The following SLC9A2 variants were observed in gnomAD, a reference collection of about 807,000 sequenced individuals.
SLC9A2 encodes sodium/hydrogen exchanger 2.
A neutral mutation model predicts 71.7 loss-of-function variants in SLC9A2; 42 were observed. The observed-to-expected ratio is 0.59, with a 90% CI of 0.46 to 0.76. SLC9A2 has a LOEUF of 0.76. SLC9A2 is among the 30% of genes least tolerant of loss of function. The probability of loss-of-function intolerance (pLI) is 0.00; values close to 1 mark genes in which losing one functional copy is unlikely to be tolerated. For missense variants in SLC9A2, 829 were observed against 1,017.4 expected (o/e 0.81, Z 2.52); for synonymous variants, 396 against 392.5 (o/e 1.01, Z -0.10).
intron 1 of SLC9A2, among the ~76,000 whole-genome samples, chr2:102,653,478 G>T (rs1676874356): frequency 6.6e-6 from 1 of 152,098 alleles, no homozygotes; most frequent in Non-Finnish European, 1.5e-5. Flanking sequence ...CATTTATTTT[G>T]CCATGTTTTA....
chr2:102,678,643 TGTGATAATGCTGTGAC>T (rs1677389711), intron 3 of SLC9A2, among the ~76,000 whole-genome samples: 1 of 152,190 alleles, frequency 6.6e-6, no homozygotes, highest in Non-Finnish European at 1.5e-5. Flanking sequence ...GTGGTGGCAC[TGTGATAATGCTGTGAC>T]GTGACATTGT....
intron 1 of SLC9A2, among the ~76,000 whole-genome samples, chr2:102,653,163 A>G (rs1486068774): frequency 1.3e-5 from 2 of 152,228 alleles, no homozygotes; most frequent in Non-Finnish European, 2.9e-5. Context: ...GCACTGAACT[A>G]AGATCTTGTG....
chr2:102,634,807 A>G (rs1558702425), intron 1 of SLC9A2, among the ~76,000 whole-genome samples: 1 of 152,144 alleles, frequency 6.6e-6, no homozygotes, highest in Non-Finnish European at 1.5e-5. Context: ...AAAATGAAAG[A>G]TGAGCAGCCA....
chr2:102,682,531 T>C (rs1677473463), intron 3 of SLC9A2, among the ~76,000 whole-genome samples: 1 of 152,154 alleles, frequency 6.6e-6, no homozygotes, highest in Non-Finnish European at 1.5e-5. Flanking sequence ...TTCCAGTAGA[T>C]ATCATGAGAG....
At chr2:102,661,996 G>T (rs368171849) in intron 2 of SLC9A2, among the ~76,000 whole-genome samples, 1 of 152,190 alleles carries the variant, frequency 6.6e-6, no homozygotes, top group Non-Finnish European at 1.5e-5. Context: ...ATTTTATCTC[G>T]TGCTGATCAC....
Position 102,705,888 on chromosome 2 carries a change from A to T in SLC9A2, c.2020A>T (p.Thr674Ser). ...TSRYLSLPKN[T>S]KLPEKLQKRR... is the part of the protein sequence containing the mutation. Reference sequence around the variant, plus strand: ...CCGATATTTATCCTTACCTAAAAATACGAAGCTTCCAGAAAAGCTACAAAA... The same window carrying T: ...CCGATATTTATCCTTACCTAAAAATTCGAAGCTTCCAGAAAAGCTACAAAA... Residue 674 changes from threonine (T) to serine (S), a missense_variant, in exon 11 of 12, where the codon ACG becomes TCG. Physicochemically the swap from Thr to Ser is moderately conservative, Grantham distance 58. This residue lies in a region of SLC9A2 where 223 missense variants were observed against 197.5 expected (regional missense o/e 1.13). Transcript: ENST00000233969. 1 of 1,606,620 alleles carries T rather than the reference A, an allele frequency of 6.2e-7. No individual in the cohort carries two copies.
In SLC9A2 at chr2:102,619,786, C is replaced by T. The variant is rs1676097904; in HGVS notation, c.-63C>T. 19 of 1,400,146 alleles carry T rather than the reference C, an allele frequency of 1.4e-5. No individual in the cohort carries two copies. The South Asian group carries it at 2.3e-4, about 17-fold the overall frequency. The allele number at this position is 1,400,146 out of a possible 1,614,324, so 86.7% of individuals were successfully genotyped here. A position where few individuals can be genotyped will look rare whatever the true frequency, so the allele number is the denominator to read the frequency against. Reference sequence around the variant, plus strand: ...GGCGGAGCGGGCTGAGCAGCCCGGGCGCGATGCGTTGAGCGCTCGGAGGGC... The same window carrying T: ...GGCGGAGCGGGCTGAGCAGCCCGGGTGCGATGCGTTGAGCGCTCGGAGGGC... On this transcript the variant is annotated 5_prime_UTR_variant, in exon 1 of 12. Transcript: ENST00000233969. This position sits in a 1 kb window ranked among gnomAD's most constrained non-coding sequence, Gnocchi z 4.3.
chr2:102,637,901 C>A (rs183797342), intron 1 of SLC9A2, among the ~76,000 whole-genome samples: 9 of 152,280 alleles, frequency 5.9e-5, no homozygotes. Flanking sequence ...CCTGTTGGTG[C>A]CTCTTCATGC....
chr2:102,690,596 C>T (rs189022590), intron 5 of SLC9A2, among the ~76,000 whole-genome samples: 163 of 152,052 alleles, frequency 1.1e-3, no homozygotes, highest in Admixed American at 1.5e-3. Context: ...AGGGGAGAGA[C>T]GGACAGACAT....
rs1278961908 is a variant in SLC9A2 at position 102,625,129 on chromosome 2, C to T, written c.289+4992C>T. ...TCCTCGTAAAGTTAAAAGAAGAGCA[C>T]TGATTCCTTTCCTTCTCAAAGCCTC... On this transcript the variant is annotated intron_variant, in intron 1 of 11. Transcript: ENST00000233969. Among the ~76,000 whole-genome samples, 3 of 152,112 alleles carry T rather than the reference C, an allele frequency of 2.0e-5. No individual in the cohort carries two copies. The East Asian group carries it at 5.8e-4, about 29-fold the overall frequency.
intron 5 of SLC9A2, among the ~76,000 whole-genome samples, chr2:102,691,720 G>C (rs1677666771): frequency 6.6e-6 from 1 of 152,172 alleles, no homozygotes; most frequent in Non-Finnish European, 1.5e-5. Flanking sequence ...AATATATTAT[G>C]CTTTCAAAAA....
chr2:102,699,324 G>C (rs1447487164), intron 7 of SLC9A2, among the ~76,000 whole-genome samples: 1 of 152,154 alleles, frequency 6.6e-6, no homozygotes, highest in Non-Finnish European at 1.5e-5. Context: ...AGATAGGAAG[G>C]ACACCAGTGA....
At chr2:102,632,215 T>C (rs1312851590) in intron 1 of SLC9A2, among the ~76,000 whole-genome samples, 1 of 141,822 alleles carries the variant, frequency 7.1e-6, no homozygotes, top group African/African-American at 2.6e-5. Context: ...GATATAAATA[T>C]ATATATTTAT....
intron 2 of SLC9A2, among the ~76,000 whole-genome samples, chr2:102,659,763 T>C (rs1449842420): frequency 1.3e-5 from 2 of 152,218 alleles, no homozygotes; most frequent in African/African-American, 2.4e-5. Flanking sequence ...AGACATTTTA[T>C]AACTCATTCT....
At chr2:102,695,301 T>C (rs1025156602) in intron 7 of SLC9A2, among the ~76,000 whole-genome samples, 188 bp downstream of exon 7, 3 of 152,210 alleles carry the variant, frequency 2.0e-5, no homozygotes, top group Non-Finnish European at 4.4e-5. Context: ...AAAAGCTTAT[T>C]TCCCTCTTCT....
intron 3 of SLC9A2, among the ~76,000 whole-genome samples, chr2:102,678,095 T>C (rs538031316): frequency 6.6e-6 from 1 of 152,344 alleles, no homozygotes; most frequent in East Asian, 1.9e-4. Flanking sequence ...TTTGCTTTCC[T>C]GCACTTCTAT....
intron 9 of SLC9A2, among the ~76,000 whole-genome samples, chr2:102,703,665 T>C (rs1677917381): frequency 6.6e-6 from 1 of 152,216 alleles, no homozygotes; most frequent in Admixed American, 6.5e-5. Flanking sequence ...TATGTTTGCA[T>C]CTCTCAATAG....
chr2:102,619,638 G>A lies in SLC9A2; in HGVS notation c.-211G>A. On this transcript the variant is annotated 5_prime_UTR_variant, in exon 1 of 12. Transcript: ENST00000233969. This position sits in a 1 kb window ranked among gnomAD's most constrained non-coding sequence, Gnocchi z 4.3. ...AGGGTACGCGCAGCGGCCTCTCGTC[G>A]CCCTGCACGTGCCTCGCCAGGCAGT... 1 of 433,630 alleles carries A rather than the reference G, an allele frequency of 2.3e-6. No individual in the cohort carries two copies. Among genetic ancestry groups the A allele is most frequent in the Non-Finnish European group, 4.0e-6 (1 of 249,504 alleles). 26.9% of individuals were successfully genotyped at this position (433,630 alleles called of 1,614,324 possible).
At chr2:102,706,873 C>G (rs993072503) in intron 11 of SLC9A2, among the ~76,000 whole-genome samples, 2 of 152,136 alleles carry the variant, frequency 1.3e-5, no homozygotes, top group Non-Finnish European at 1.5e-5. Flanking sequence ...TGTCTAATAT[C>G]TTTTTAATGT....
Sources: allele counts gnomAD v4.1 joint callset (sites outside exome capture counted in the v4.1 genomes callset), GRCh38; gene constraint gnomAD v4.1.1; regional missense constraint gnomAD v4.1.1; non-coding constraint Gnocchi (gnomAD v3.1); transcripts MANE v1.5; gene names NCBI Gene and HGNC (gene_info 2026-07-23, HGNC 2026-07-21).